The following PLEKHA8 variants were observed in gnomAD, a reference collection of about 807,000 sequenced individuals.
PLEKHA8 encodes pleckstrin homology domain-containing family A member 8.
PLEKHA8 carries 36 observed loss-of-function variants against 68.2 expected under a neutral mutation model. The observed-to-expected ratio is 0.53, with a 90% CI of 0.40 to 0.70. The LOEUF (loss-of-function observed/expected upper bound fraction) is 0.70. Among genes scored for constraint, PLEKHA8 ranks in the 30% least tolerant of loss-of-function variants. PLEKHA8 has a pLI of 0.00. For synonymous variants in PLEKHA8, 211 were observed against 216.1 expected (o/e 0.98, Z 0.20); for missense variants, 505 against 615.4 (o/e 0.82, Z 1.90).
At chr7:30,045,268 CT>C in intron 2 of PLEKHA8, 67 bp downstream of exon 2, 1 of 1,186,692 alleles carries the variant, frequency 8.4e-7, no homozygotes, top group Non-Finnish European at 1.2e-6. Flanking sequence ...AAAAAAGCCC[CT>C]GGCCCCTGCA....
intron 6 of PLEKHA8, 41 bp from the exon 7 acceptor site, chr7:30,052,668 T>G: frequency 8.6e-7 from 1 of 1,161,460 alleles, no homozygotes; most frequent in Non-Finnish European, 1.1e-6. Flanking sequence ...AAAGACCAAA[T>G]AACGACCTTC....
chr7:30,099,250 CACAA>C (rs1389315297), intron 13 of PLEKHA8, among the ~76,000 whole-genome samples: 1 of 152,078 alleles, frequency 6.6e-6, no homozygotes, highest in African/African-American at 2.4e-5. Context: ...AACAAAACAC[CACAA>C]ACAATGAATA....
At chr7:30,036,591 T>C (rs1351163817) in intron 1 of PLEKHA8, among the ~76,000 whole-genome samples, 1 of 152,184 alleles carries the variant, frequency 6.6e-6, no homozygotes, top group South Asian at 2.1e-4. Flanking sequence ...GTAGGACATA[T>C]GAGAAGCACT....
intron 1 of PLEKHA8, among the ~76,000 whole-genome samples, chr7:30,039,563 A>G (rs545246485): frequency 4.6e-5 from 7 of 152,334 alleles, no homozygotes; most frequent in South Asian, 4.1e-4. Flanking sequence ...TAAGTAGTTT[A>G]TTCTTTTTGA....
rs1000042489 is a variant in PLEKHA8 at position 30,080,739 on chromosome 7, C to T, written c.*1952C>T. On this transcript the variant is annotated 3_prime_UTR_variant, in exon 14 of 14. Coordinates refer to ENST00000449726, the MANE Select transcript of PLEKHA8 (RefSeq NM_001197026.2). ...GTGTGTGTGTGTTATTTCCCTCCCA[C>T]TCTCATGAGCAGTGAGTATAGATCT... is the stretch of plus-strand genomic sequence containing the variant. 1.0e-6 allele frequency: 1 copy of T among 985,326 alleles called. No individual in the cohort carries two copies. The highest frequency in any genetic ancestry group is 1.2e-6 in the Non-Finnish European group (1 of 829,908). The allele number at this position is 985,326 out of a possible 1,614,324, so 61.0% of individuals were successfully genotyped here. A position where few individuals can be genotyped will look rare whatever the true frequency, so the allele number is the denominator to read the frequency against.
Position 30,083,315 on chromosome 7 carries a change from T to C in PLEKHA8, c.*4528T>C, listed in dbSNP as rs1394202193. 2.0e-6 allele frequency: 2 copies of C among 985,084 alleles called. No homozygotes were observed. Among genetic ancestry groups the C allele is most frequent in the Admixed American group, 6.1e-5 (1 of 16,262 alleles). 61.0% of individuals were successfully genotyped at this position (985,084 alleles called of 1,614,324 possible). On this transcript the variant is annotated 3_prime_UTR_variant, in exon 14 of 14. Transcript: ENST00000449726. ...CGCAGTTGCTTACTCAGGGGTTTCA[T>C]AGTCATTTCATAAAAAATAATTCAC...
intron 1 of PLEKHA8, 128 bp from the exon 2 acceptor site, chr7:30,044,957 A>C (rs895647740): frequency 1.8e-6 from 1 of 552,178 alleles, no homozygotes; most frequent in African/African-American, 1.9e-5. Flanking sequence ...TTTCTCTTAG[A>C]ATATCCCTGG....
At chr7:30,058,359 A>G (rs1296022807) in intron 9 of PLEKHA8, among the ~76,000 whole-genome samples, 3 of 152,006 alleles carry the variant, frequency 2.0e-5, no homozygotes, top group African/African-American at 7.2e-5. Context: ...TACCTATCCC[A>G]AAGGTCATGA....
At chr7:30,068,724 G>A (rs926444084) in intron 12 of PLEKHA8, among the ~76,000 whole-genome samples, 4 of 152,068 alleles carry the variant, frequency 2.6e-5, no homozygotes, top group African/African-American at 9.7e-5. Flanking sequence ...GTATACAGAA[G>A]TTTCAGTTTT....
intron 13 of PLEKHA8, among the ~76,000 whole-genome samples, chr7:30,115,637 CATGCACACATGT>C (rs1304940492): frequency 6.6e-6 from 1 of 150,830 alleles, no homozygotes; most frequent in Non-Finnish European, 1.5e-5. Flanking sequence ...TGTACACATA[CATGCACACATGT>C]ACACATACAT....
intron 1 of PLEKHA8, among the ~76,000 whole-genome samples, chr7:30,044,714 T>C (rs1258937067): frequency 1.3e-5 from 2 of 152,226 alleles, no homozygotes; most frequent in African/African-American, 4.8e-5. Flanking sequence ...GACATCCTAA[T>C]TATTCGTCTT....
intron 13 of PLEKHA8, among the ~76,000 whole-genome samples, chr7:30,123,258 A>G (rs1345845554): frequency 6.6e-6 from 1 of 152,266 alleles, no homozygotes; most frequent in Non-Finnish European, 1.5e-5. Flanking sequence ...AGGAAGTTAA[A>G]TGGCTTACCC....
intron 9 of PLEKHA8, among the ~76,000 whole-genome samples, chr7:30,057,685 T>A (rs137901702): frequency 9.4e-4 from 143 of 152,268 alleles, no homozygotes; most frequent in African/African-American, 3.4e-3. Context: ...GGTCTCAAAC[T>A]CCTGACCTCA....
downstream of PLEKHA8, chr7:30,090,797 G>A (rs1186524696): frequency 1.3e-5 from 3 of 230,638 alleles, no homozygotes; most frequent in Admixed American, 6.5e-5. Context: ...GAGCCAATTA[G>A]CTGAATGCTA....
intron 13 of PLEKHA8, among the ~76,000 whole-genome samples, chr7:30,123,777 G>A (rs1035436952): frequency 3.3e-5 from 5 of 152,130 alleles, no homozygotes; most frequent in African/African-American, 9.7e-5. Flanking sequence ...ATAGATGTCC[G>A]ATAACTTTAC....
At chr7:30,119,706 A>G (rs1218162474) in intron 13 of PLEKHA8, among the ~76,000 whole-genome samples, 1 of 152,226 alleles carries the variant, frequency 6.6e-6, no homozygotes, top group Non-Finnish European at 1.5e-5. Context: ...AGATGAAAAC[A>G]GCCGCTTATA....
chr7:30,088,773 G>A (rs1021050917), downstream of PLEKHA8, among the ~76,000 whole-genome samples: 24 of 152,188 alleles, frequency 1.6e-4, no homozygotes, highest in African/African-American at 4.6e-4. Flanking sequence ...AGAAAGAAGA[G>A]CTCCTAATCC....
At chr7:30,119,000 C>T (rs1430027859) in intron 13 of PLEKHA8, among the ~76,000 whole-genome samples, 5 of 152,238 alleles carry the variant, frequency 3.3e-5, no homozygotes. Flanking sequence ...CCATGTCTGT[C>T]TTCCTCCATT....
intron 9 of PLEKHA8, among the ~76,000 whole-genome samples, chr7:30,057,685 T>C (rs137901702): frequency 6.6e-6 from 1 of 152,150 alleles, no homozygotes; most frequent in Admixed American, 6.5e-5. Context: ...GGTCTCAAAC[T>C]CCTGACCTCA....
Sources: allele counts gnomAD v4.1 joint callset (sites outside exome capture counted in the v4.1 genomes callset), GRCh38; gene constraint gnomAD v4.1.1; transcripts MANE v1.5; gene names NCBI Gene and HGNC (gene_info 2026-07-23, HGNC 2026-07-21).